The following DENND1B variants were observed in gnomAD, a reference collection of about 807,000 sequenced individuals.
DENND1B encodes the protein DENN domain-containing protein 1B.
Under a neutral mutation model 90.1 loss-of-function variants are expected in DENND1B, and 59 were observed. The observed-to-expected ratio is 0.65, with a 90% CI of 0.53 to 0.81. The LOEUF is 0.81. Ranked by LOEUF, DENND1B falls within the 40% of genes least tolerant of loss-of-function variation. DENND1B has a pLI of 0.00. For missense variants in DENND1B, 862 were observed against 912.6 expected, an observed-to-expected ratio of 0.94 and a Z score of 0.71; for synonymous variants, 337 against 324.6, an observed-to-expected ratio of 1.04 and a Z score of -0.41.
intron 10 of DENND1B, among the ~76,000 whole-genome samples, chr1:197,635,670 T>C (rs758023459): frequency 1.3e-5 from 2 of 152,094 alleles, no homozygotes; most frequent in Non-Finnish European, 2.9e-5. Context: ...CGATATCTAA[T>C]ACAAGAGCTT....
rs772524439 is a variant in DENND1B at position 197,505,053 on chromosome 1, T to C, written c.*5407A>G. 4 of 151,760 alleles carry C rather than the reference T, an allele frequency of 2.6e-5. No homozygotes were observed. Among genetic ancestry groups the C allele is most frequent in the East Asian group, 1.9e-4 (1 of 5,146 alleles). 9.4% of individuals were successfully genotyped at this position (151,760 alleles called of 1,614,324 possible). On this transcript the variant is annotated 3_prime_UTR_variant, in exon 23 of 23. Transcript: ENST00000620048. ...TTCATCTAACGCAAGAGAAATAAAC[T>C]TTGGAAAAGTTCAATTTTGAACCCC...
chr1:197,780,388 T>C (rs963552382), upstream of DENND1B, among the ~76,000 whole-genome samples: 2 of 150,426 alleles, frequency 1.3e-5, no homozygotes, highest in African/African-American at 2.5e-5. Flanking sequence ...TGCAGTGGCG[T>C]GATCTTGGCT....
chr1:197,762,541 T>C (rs193024991), intron 2 of DENND1B, among the ~76,000 whole-genome samples: 7 of 152,296 alleles, frequency 4.6e-5, no homozygotes, highest in Non-Finnish European at 8.8e-5. Context: ...TCTCACATAC[T>C]TACCTCTTTG....
chr1:197,682,464 T>A (rs1354648476), intron 3 of DENND1B, among the ~76,000 whole-genome samples: 1 of 152,206 alleles, frequency 6.6e-6, no homozygotes. Flanking sequence ...TGTGAAATTA[T>A]ACAAATAACT....
At chr1:197,698,643 T>C (rs1658700425) in intron 3 of DENND1B, among the ~76,000 whole-genome samples, 1 of 151,530 alleles carries the variant, frequency 6.6e-6, no homozygotes, top group African/African-American at 2.4e-5. Flanking sequence ...TGTTTTTTTC[T>C]TTAAATTAAC....
At chr1:197,548,493 GGT>G (rs572193103) in intron 16 of DENND1B, among the ~76,000 whole-genome samples, 173 of 152,114 alleles carry the variant, frequency 1.1e-3, no homozygotes, top group Non-Finnish European at 2.1e-3. Flanking sequence ...TGTTTAGTAT[GGT>G]ACATAGTATA....
intron 11 of DENND1B, among the ~76,000 whole-genome samples, chr1:197,617,102 C>T (rs2111930): frequency 0.39 from 59,145 of 150,782 alleles, 14,202 homozygotes; most frequent in East Asian, 0.66. Context: ...CAATACTTTT[C>T]AACATTGCTT....
chr1:197,773,244 T>A (rs1274840015), intron 1 of DENND1B, among the ~76,000 whole-genome samples: 1 of 152,238 alleles, frequency 6.6e-6, no homozygotes, highest in Non-Finnish European at 1.5e-5. Context: ...TATGTGCAAG[T>A]ACTTCATTAA....
Position 197,509,862 on chromosome 1 carries a change from A to G in DENND1B, c.*598T>C, listed in dbSNP as rs2125588588. Reference sequence around the variant, plus strand: ...TGGCTATAGTGCTTTATATAAGCAAATTAAATATTTCCATTAAGAGAGCTT... The same window carrying G: ...TGGCTATAGTGCTTTATATAAGCAAGTTAAATATTTCCATTAAGAGAGCTT... On this transcript the variant is annotated 3_prime_UTR_variant, in exon 23 of 23. Coordinates refer to ENST00000620048, the MANE Select transcript of DENND1B (RefSeq NM_001195215.2). 6.6e-6 allele frequency: 1 copy of G among 152,296 alleles called. No homozygotes were observed. Among genetic ancestry groups the G allele is most frequent in the African/African-American group, 2.4e-5 (1 of 41,534 alleles). The allele number at this position is 152,296 out of a possible 1,614,324, so 9.4% of individuals were successfully genotyped here.
At chr1:197,610,510 T>C (rs545093271) in intron 12 of DENND1B, among the ~76,000 whole-genome samples, 27 of 150,744 alleles carry the variant, frequency 1.8e-4, no homozygotes, top group Admixed American at 1.2e-3. Context: ...TTTTCATCTC[T>C]ATAAATAAAT....
intron 10 of DENND1B, among the ~76,000 whole-genome samples, chr1:197,639,044 T>G (rs1277785199): frequency 6.6e-6 from 1 of 151,794 alleles, no homozygotes; most frequent in Non-Finnish European, 1.5e-5. Flanking sequence ...TTTTTAATTT[T>G]AAACTTTTCA....
At position 197,553,027 on chromosome 1, in the gene DENND1B, C is replaced by A; in HGVS notation, c.1235G>T (p.Cys412Phe). ...ATATTGTAACTTGTCTTTACCTCCA[C>A]AAAAGCCACCTGAAGTGATCTCTTC... ...FEEEITSGGF[C>F]GGNPRSYQQW... The change falls in exon 16 of 23, where the codon TGT (cysteine) becomes TTT (phenylalanine). Residue 412 changes from cysteine (C) to phenylalanine (F), a missense_variant. By Grantham distance (205) the Cys-to-Phe change is radical. Coordinates refer to ENST00000620048, the MANE Select transcript of DENND1B (RefSeq NM_001195215.2). The A allele has an allele frequency of 6.3e-7, 1 of 1,574,898 alleles. No individual in the cohort carries two copies. Among genetic ancestry groups the A allele is most frequent in the African/African-American group, 1.4e-5 (1 of 72,302 alleles).
At chr1:197,781,671 T>G in the DENND1B span, among the ~76,000 whole-genome samples, 2 of 152,208 alleles carry the variant, frequency 1.3e-5, no homozygotes, top group African/African-American at 4.8e-5. Context: ...CCTGAAAGTT[T>G]GCCTTTCTGA....
chr1:197,614,506 A>G (rs1053051365), intron 11 of DENND1B, among the ~76,000 whole-genome samples: 1 of 151,046 alleles, frequency 6.6e-6, no homozygotes, highest in African/African-American at 2.4e-5. Flanking sequence ...GATTCTTGGC[A>G]ACACAGATGT....
intron 9 of DENND1B, among the ~76,000 whole-genome samples, chr1:197,644,148 T>G (rs573396087): frequency 4.6e-5 from 7 of 152,338 alleles, no homozygotes; most frequent in African/African-American, 1.7e-4. Flanking sequence ...AATTCAACTC[T>G]CCATATAAAA....
intron 10 of DENND1B, among the ~76,000 whole-genome samples, chr1:197,628,351 G>C (rs1440420048): frequency 6.6e-6 from 1 of 152,124 alleles, no homozygotes; most frequent in African/African-American, 2.4e-5. Context: ...GAACAGAACA[G>C]AGCCCTCAGA....
chr1:197,669,541 A>G (rs1187626731), intron 5 of DENND1B, among the ~76,000 whole-genome samples: 1 of 152,128 alleles, frequency 6.6e-6, no homozygotes, highest in Non-Finnish European at 1.5e-5. Flanking sequence ...AAAATTAAAT[A>G]GTTATCTAAT....
At chr1:197,551,172 TAA>T (rs1336770635) in intron 16 of DENND1B, among the ~76,000 whole-genome samples, 1 of 151,958 alleles carries the variant, frequency 6.6e-6, no homozygotes, top group South Asian at 2.1e-4. Flanking sequence ...TTTTATTGTA[TAA>T]GTCATCTTTT....
At chr1:197,665,172 A>AT (rs956931615) in intron 5 of DENND1B, among the ~76,000 whole-genome samples, 4 of 151,938 alleles carry the variant, frequency 2.6e-5, no homozygotes, top group South Asian at 2.1e-4. Flanking sequence ...CTAAATTCTA[A>AT]TTTTTTTTCT....
Sources: gnomAD v4.1 joint callset for allele counts (sites outside exome capture counted in the v4.1 genomes callset) on GRCh38, gnomAD v4.1.1 for gene constraint, MANE v1.5 for transcripts, NCBI Gene and HGNC (gene_info 2026-07-23, HGNC 2026-07-21) for gene names.